FBXO3: variants seen among roughly 807,000 people sequenced by gnomAD.
The protein encoded by FBXO3 is F-box only protein 3.
A neutral mutation model predicts 64.8 loss-of-function variants in FBXO3; 17 were observed. The ratio of observed to expected loss-of-function variants is 0.26; its 90% confidence interval spans 0.18 to 0.39. The LOEUF is 0.39. Among genes scored for constraint, FBXO3 ranks in the 10% least tolerant of loss-of-function variants. The pLI is 1.00. For synonymous variants in FBXO3, 182 were observed against 201.6 expected, an observed-to-expected ratio of 0.90 and a Z score of 0.82; for missense variants, 420 against 589.9, an observed-to-expected ratio of 0.71 and a Z score of 2.98.
intron 3 of FBXO3, among the ~76,000 whole-genome samples, chr11:33,761,942 A>G (rs955782143): frequency 1.3e-5 from 2 of 152,218 alleles, no homozygotes; most frequent in South Asian, 4.1e-4. Context: ...AGTCCCTTTT[A>G]AAGGCTCATC....
rs754092374 is a variant in FBXO3 at position 33,741,928 on chromosome 11, G to A, written c.1396C>T (p.Arg466Cys). ...GCTTGCTAAAAAAGGCGTGAGCAGC[G>A]GCGTCTGCGAATGGGAACATCAAAG... ...RVFDVPIRRR[R>C]CSRLF Residue 466 changes from arginine (R) to cysteine (C), a missense_variant, in exon 11 of 11, where the codon CGC becomes TGC. This residue lies in a region of FBXO3 where 57 missense variants were observed against 55.4 expected (regional missense o/e 1.03). Coordinates refer to ENST00000265651, the MANE Select transcript of FBXO3 (RefSeq NM_012175.4). 1 of 1,612,658 alleles carries A rather than the reference G, an allele frequency of 6.2e-7. No homozygotes were observed. The highest frequency in any genetic ancestry group is 1.3e-5 in the African/African-American group (1 of 74,854).
At chr11:33,746,229 G>C (rs1325875855) in intron 10 of FBXO3, 4 of 162,974 alleles carry the variant, frequency 2.5e-5, no homozygotes, top group African/African-American at 7.1e-5. Context: ...AGTCAAAAAA[G>C]GAATTCTGTT....
At chr11:33,746,324 C>T (rs994607144) in intron 10 of FBXO3, 8 of 255,290 alleles carry the variant, frequency 3.1e-5, no homozygotes, top group Admixed American at 1.1e-4. Context: ...CACTTCCAAA[C>T]GCACACTGTA....
Position 33,754,437 on chromosome 11 carries a change from G to T in FBXO3, c.724+18C>A. 6.4e-7 allele frequency: 1 copy of T among 1,565,462 alleles called. No homozygotes were observed. Among genetic ancestry groups the T allele is most frequent in the Non-Finnish European group, 8.6e-7 (1 of 1,161,850 alleles). ...AGGAAGAAGAAGAAGGGGGAAAAAAGACTTTTTTCTTTCCTACCTATAATA... is the reference window on the plus strand; with the variant it reads ...AGGAAGAAGAAGAAGGGGGAAAAAATACTTTTTTCTTTCCTACCTATAATA... On this transcript the variant is annotated intron_variant, in intron 6 of 10. Coordinates refer to ENST00000265651, the MANE Select transcript of FBXO3 (RefSeq NM_012175.4).
chr11:33,770,894 T>G (rs538962503), intron 1 of FBXO3, 64 bp from the exon 2 acceptor site: 3 of 1,278,296 alleles, frequency 2.3e-6, no homozygotes, highest in East Asian at 4.9e-5. Context: ...AAAATAAAGA[T>G]TAAAATATTC....
chr11:33,747,338 A>T lies in FBXO3; in HGVS notation c.1049-18T>A, dbSNP rs557360966. The T allele has an allele frequency of 1.3e-5, 20 of 1,581,338 alleles. No homozygotes were observed. The South Asian group carries it at 2.1e-4, about 17-fold the overall frequency. On this transcript the variant is annotated intron_variant, in intron 9 of 10. Coordinates refer to ENST00000265651, the MANE Select transcript of FBXO3 (RefSeq NM_012175.4). ...AAATTCACCTGCAGGGAAAACAGTA[A>T]CAATAAACCAAAGTATAAAATTCAT...
At chr11:33,762,770 A>G (rs1855274572) in intron 3 of FBXO3, among the ~76,000 whole-genome samples, 1 of 151,886 alleles carries the variant, frequency 6.6e-6, no homozygotes, top group Admixed American at 6.6e-5. Flanking sequence ...CGAAGACATC[A>G]AAGAAATTAA....
At chr11:33,750,334 C>G (rs1854923429) in intron 8 of FBXO3, among the ~76,000 whole-genome samples, 1 of 152,190 alleles carries the variant, frequency 6.6e-6, no homozygotes, top group Non-Finnish European at 1.5e-5. Flanking sequence ...AGTATATTTT[C>G]AAGAAATAAC....
intron 3 of FBXO3, among the ~76,000 whole-genome samples, chr11:33,765,973 C>T (rs1855360449): frequency 6.6e-6 from 1 of 152,146 alleles, no homozygotes; most frequent in South Asian, 2.1e-4. Context: ...TTATAAATTA[C>T]CCAGAGTCAG....
intron 2 of FBXO3, 108 bp from the exon 3 acceptor site, chr11:33,769,122 A>G (rs1855446643): frequency 4.2e-6 from 4 of 961,534 alleles, no homozygotes; most frequent in Non-Finnish European, 5.8e-6. Context: ...CCTTTTCATT[A>G]TATTTTAGCC....
chr11:33,771,118 G>C lies in FBXO3; in HGVS notation c.105-288C>G, dbSNP rs1298644868. ...TATATGCCATTGGAGTTAATCTCAA[G>C]TCAAGGAGTTGTCCTATGCTTATTA... On this transcript the variant is annotated intron_variant, in intron 1 of 10. Coordinates refer to ENST00000265651, the MANE Select transcript of FBXO3 (RefSeq NM_012175.4). 2.5e-5 allele frequency: 6 copies of C among 242,324 alleles called. No individual in the cohort carries two copies. In the East Asian group the frequency reaches 5.0e-4, roughly 20 times the overall value. The allele number at this position is 242,324 out of a possible 1,614,324, so 15.0% of individuals were successfully genotyped here.
chr11:33,758,556 C>G lies in FBXO3; in HGVS notation c.404G>C (p.Gly135Ala), dbSNP rs1253898952. Residue 135 changes from glycine (G) to alanine (A), a missense_variant, in exon 4 of 11, where the codon GGC (glycine) becomes GCC (alanine). Coordinates refer to ENST00000265651, the MANE Select transcript of FBXO3 (RefSeq NM_012175.4). Reference protein sequence around the residue: ...EDLDAVEAQIGCKLPDDYRCS... With the variant: ...EDLDAVEAQIACKLPDDYRCS... ...TCGATAATCGTCAGGAAGCTTGCAG[C>G]CAATCTGCGCTTCCACAGCATCGAG... is the stretch of plus-strand genomic sequence containing the variant. The G allele has an allele frequency of 6.2e-7, 1 of 1,609,818 alleles. No individual in the cohort carries two copies. The highest frequency in any genetic ancestry group is 1.3e-5 in the African/African-American group (1 of 74,996).
At position 33,766,987 on chromosome 11, in the gene FBXO3, C is replaced by T. The variant is rs1434214583; in HGVS notation, c.358+1864G>A. ...GCCTGGAACTACCAAAATTCATGCACCAAAAAAAAAAAAAGAAAAAAAAAA... is the reference window on the plus strand; with the variant it reads ...GCCTGGAACTACCAAAATTCATGCATCAAAAAAAAAAAAAGAAAAAAAAAA... On this transcript the variant is annotated intron_variant, in intron 3 of 10. Transcript: ENST00000265651. Among the ~76,000 whole-genome samples, 4 of 110,364 alleles carry T rather than the reference C, an allele frequency of 3.6e-5. No homozygotes were observed. In the East Asian group the frequency reaches 6.7e-4, roughly 19 times the overall value. 72.4% of individuals were successfully genotyped at this position (110,364 alleles called of 152,430 possible).
chr11:33,747,901 G>A, intron 9 of FBXO3, among the ~76,000 whole-genome samples: 1 of 149,282 alleles, frequency 6.7e-6, no homozygotes, highest in African/African-American at 2.5e-5. Context: ...AAACAGAACA[G>A]GCATGTTTCT....
At chr11:33,757,132 T>C in intron 4 of FBXO3, 1 of 515,192 alleles carries the variant, frequency 1.9e-6, no homozygotes, top group South Asian at 1.4e-5. Flanking sequence ...GAGCCTCACA[T>C]GATTCTTCAC....
rs1164138695 is a variant in FBXO3, at chr11:33,741,982, C to T, written c.1342G>A (p.Asp448Asn). ...DSADMDESDE[D>N]DEEERRRRVF... Reference sequence around the variant, plus strand: ...CTCCTCCGTCTCTCCTCTTCATCATCTTCATCTGATTCATCCATATCTGCT... The same window carrying T: ...CTCCTCCGTCTCTCCTCTTCATCATTTTCATCTGATTCATCCATATCTGCT... Residue 448 changes from aspartate to asparagine, a missense_variant, in exon 11 of 11, where the codon GAT (aspartate) becomes AAT (asparagine). Physicochemically the swap from Asp to Asn is conservative, Grantham distance 23. This residue lies in a region of FBXO3 where 57 missense variants were observed against 55.4 expected (regional missense o/e 1.03). Transcript: ENST00000265651. 1.2e-6 allele frequency: 2 copies of T among 1,613,864 alleles called. No individual in the cohort carries two copies. Among genetic ancestry groups the T allele is most frequent in the South Asian group, 1.1e-5 (1 of 91,066 alleles).
rs768008825 is a variant in FBXO3, at chr11:33,747,229, A to G, written c.1140T>C (p.Tyr380=). Residue 380 remains tyrosine (Y), a synonymous_variant, in exon 10 of 11, where the codon TAT becomes TAC. Coordinates refer to ENST00000265651, the MANE Select transcript of FBXO3 (RefSeq NM_012175.4). The stretch of plus-strand genomic sequence containing the variant: ...CTTTAAAGTAAAGAAAATGGAAGGT[A>G]TAATATCCTTCCATGTATCCTGATG... The part of the protein sequence containing the change: ...STTSGYMEGY[Y]TFHFLYFKDK... 3.1e-6 allele frequency: 5 copies of G among 1,612,688 alleles called. No individual in the cohort carries two copies. Among genetic ancestry groups the G allele is most frequent in the African/African-American group, 1.3e-5 (1 of 74,852 alleles).
At chr11:33,754,835 T>C (rs1362663271) in intron 5 of FBXO3, among the ~76,000 whole-genome samples, 3 of 151,386 alleles carry the variant, frequency 2.0e-5, no homozygotes, top group Admixed American at 6.6e-5. Context: ...AAATGTTATA[T>C]AGAGTCACAT....
chr11:33,768,402 T>C (rs1855428315), intron 3 of FBXO3, among the ~76,000 whole-genome samples: 1 of 152,192 alleles, frequency 6.6e-6, no homozygotes, highest in African/African-American at 2.4e-5. Context: ...AGGCTGCTCT[T>C]ACACAGGTAA....
Sources: allele counts gnomAD v4.1 joint callset (sites outside exome capture counted in the v4.1 genomes callset), GRCh38; gene constraint gnomAD v4.1.1; regional missense constraint gnomAD v4.1.1; transcripts MANE v1.5; gene names NCBI Gene and HGNC (gene_info 2026-07-23, HGNC 2026-07-21).